Variants in PTPRD observed in about 807,000 individuals in gnomAD.
The protein encoded by PTPRD is protein tyrosine phosphatase receptor type D.
A neutral mutation model predicts 214.5 loss-of-function variants in PTPRD; 34 were observed. The ratio of observed to expected loss-of-function variants is 0.16; its 90% CI spans 0.12 to 0.21. The LOEUF is 0.21. PTPRD is among the 10% of genes least tolerant of loss of function. The probability of loss-of-function intolerance (pLI) is 1.00; values close to 1 mark genes in which losing one functional copy is unlikely to be tolerated. For synonymous variants in PTPRD, 1,128 were observed against 845.7 expected (o/e 1.33, Z -5.79); for missense variants, 2,545 against 2,398.7 (o/e 1.06, Z -1.27).
chr9:8,326,798 C>A (rs201965327), intron 44 of PTPRD, among the ~76,000 whole-genome samples: 16,820 of 148,844 alleles, frequency 0.11, 770 homozygotes, highest in African/African-American at 0.2. Context: ...GGGTGTACGT[C>A]TCCAGGAATT....
chr9:8,413,443 G>A (rs943723726), intron 35 of PTPRD, among the ~76,000 whole-genome samples: 8 of 151,918 alleles, frequency 5.3e-5, no homozygotes, highest in East Asian at 3.9e-4. Context: ...AGTCTTTGTC[G>A]GAACTCAGAA....
At position 8,389,333 on chromosome 9, in the gene PTPRD, G is replaced by C. The variant is rs2088552115; in HGVS notation, c.4285C>G (p.Gln1429Glu). ...CCAAATGTTTCGGGGAGAGATCCCT[G>C]TGTTGCAATATAGGCATTTTGCTTC... ...YRKQNAYIAT[Q>E]GSLPETFGDF... The change falls in exon 37 of 46, where the codon CAG becomes GAG. Residue 1429 changes from glutamine to glutamate, a missense_variant. Coordinates refer to ENST00000381196, the MANE Select transcript of PTPRD (RefSeq NM_002839.4). The C allele has an allele frequency of 4.3e-6, 7 of 1,612,992 alleles. No homozygotes were observed. The highest frequency in any genetic ancestry group is 5.9e-6 in the Non-Finnish European group (7 of 1,179,350).
intron 30 of PTPRD, among the ~76,000 whole-genome samples, chr9:8,481,105 A>T (rs2096873332): frequency 7.0e-6 from 1 of 142,704 alleles, no homozygotes; most frequent in Non-Finnish European, 1.5e-5. Flanking sequence ...GCGCCACTGC[A>T]CGCCGGCCTG....
chr9:8,652,509 T>C (rs890058603), intron 12 of PTPRD, among the ~76,000 whole-genome samples: 8 of 152,206 alleles, frequency 5.3e-5, no homozygotes, highest in South Asian at 2.1e-4. Flanking sequence ...GACTAAGACA[T>C]GCTGTAGCAA....
chr9:9,278,055 T>C (rs1189728039), intron 9 of PTPRD, among the ~76,000 whole-genome samples: 2 of 151,440 alleles, frequency 1.3e-5, no homozygotes, highest in African/African-American at 4.8e-5. Context: ...TCTTAACATG[T>C]GCTGCAATAT....
intron 5 of PTPRD, among the ~76,000 whole-genome samples, chr9:9,840,486 G>C (rs903048831): frequency 1.3e-5 from 2 of 152,030 alleles, no homozygotes; most frequent in Admixed American, 6.6e-5. Flanking sequence ...GCCTAATAAT[G>C]GCATGCCTGA....
At chr9:10,461,124 T>C (rs1419073593) in intron 2 of PTPRD, among the ~76,000 whole-genome samples, 6 of 151,822 alleles carry the variant, frequency 4.0e-5, no homozygotes, top group Admixed American at 1.3e-4. Flanking sequence ...TAAAAATGTC[T>C]AACAAGGACA....
chr9:9,476,203 G>C (rs928134128), intron 8 of PTPRD, among the ~76,000 whole-genome samples: 1 of 152,076 alleles, frequency 6.6e-6, no homozygotes, highest in Admixed American at 6.6e-5. Context: ...CTGACTCCTA[G>C]TGTGTCTATC....
At chr9:9,865,542 C>T (rs2063755196) in intron 5 of PTPRD, among the ~76,000 whole-genome samples, 1 of 152,132 alleles carries the variant, frequency 6.6e-6, no homozygotes, top group Admixed American at 6.5e-5. Context: ...GCCCTCTCAA[C>T]CTTAAATTTC....
intron 3 of PTPRD, among the ~76,000 whole-genome samples, chr9:10,237,484 T>C (rs1002720094): frequency 2.0e-5 from 3 of 151,958 alleles, no homozygotes; most frequent in East Asian, 1.9e-4. Context: ...AGGAAGACTG[T>C]TGACAATTTA....
intron 12 of PTPRD, among the ~76,000 whole-genome samples, chr9:8,677,645 A>G (rs1321200354): frequency 2.0e-5 from 3 of 152,194 alleles, no homozygotes; most frequent in African/African-American, 7.2e-5. Context: ...CAATCTGCAC[A>G]TGTACCCCTG....
intron 9 of PTPRD, among the ~76,000 whole-genome samples, chr9:9,328,836 C>T (rs754723615): frequency 6.0e-5 from 9 of 150,986 alleles, no homozygotes; most frequent in Non-Finnish European, 1.0e-4. Flanking sequence ...CAGGGTTTCA[C>T]TATGTTGGCC....
chr9:8,893,663 A>C (rs1438269227), intron 11 of PTPRD, among the ~76,000 whole-genome samples: 1 of 152,188 alleles, frequency 6.6e-6, no homozygotes, highest in Non-Finnish European at 1.5e-5. Context: ...CCAGGTATGC[A>C]GTGGGGGACC....
chr9:8,497,925 C>G, intron 25 of PTPRD, among the ~76,000 whole-genome samples: 1 of 152,198 alleles, frequency 6.6e-6, no homozygotes, highest in East Asian at 1.9e-4. Context: ...GCACACTGGT[C>G]ATATTGTTTT....
At position 8,933,340 on chromosome 9, in the gene PTPRD, G is replaced by GTTTTTTT. The variant is rs71317383; in HGVS notation, c.-104+85350_-104+85356dup. Among the ~76,000 whole-genome samples the GTTTTTTT allele has an allele frequency of 8.2e-3, 662 of 80,320 alleles. 71 individuals are homozygous for GTTTTTTT. Among genetic ancestry groups the GTTTTTTT allele is most frequent in the South Asian group, 0.02 (39 of 1,922 alleles). The allele number at this position is 80,320 out of a possible 152,430, so 52.7% of individuals were successfully genotyped here. On this transcript the variant is annotated intron_variant, in intron 11 of 45. Transcript: ENST00000381196. ...CCATCTTGCCAGCCACAACCTTGAG[G>GTTTTTTT]TTTTTTTTTTTTTTTTTTTTTTTAC...
chr9:8,716,821 A>G (rs1441109978), intron 12 of PTPRD, among the ~76,000 whole-genome samples: 1 of 152,164 alleles, frequency 6.6e-6, no homozygotes, highest in Non-Finnish European at 1.5e-5. Flanking sequence ...CACTGGCTGT[A>G]TGGAAGGCCC....
chr9:10,223,630 A>T (rs1445593719), intron 3 of PTPRD, among the ~76,000 whole-genome samples: 1 of 150,466 alleles, frequency 6.6e-6, no homozygotes, highest in Non-Finnish European at 1.5e-5. Context: ...CAATCATGCC[A>T]CTGCACTCCA....
chr9:8,958,280 G>C (rs996319877), intron 11 of PTPRD, among the ~76,000 whole-genome samples: 1 of 151,888 alleles, frequency 6.6e-6, no homozygotes, highest in Non-Finnish European at 1.5e-5. Context: ...CAAGGAAGAT[G>C]TGGGGACACA....
rs187250551 is a variant in PTPRD at position 8,706,644 on chromosome 9, A to G, written c.64+27136T>C. Reference sequence around the variant, plus strand: ...ATCTCAGGAGCAGAGATGCGTGAGCATATGCCAGGCAGGAATGCATGTCAG... The same window carrying G: ...ATCTCAGGAGCAGAGATGCGTGAGCGTATGCCAGGCAGGAATGCATGTCAG... On this transcript the variant is annotated intron_variant, in intron 12 of 45. Transcript: ENST00000381196. Among the ~76,000 whole-genome samples, 235 of 152,336 alleles carry G rather than the reference A, an allele frequency of 1.5e-3. 1 individual carries two copies. Among genetic ancestry groups the G allele is most frequent in the Admixed American group, 2.7e-3 (41 of 15,300 alleles).
Sources: allele counts gnomAD v4.1 joint callset (sites outside exome capture counted in the v4.1 genomes callset), GRCh38; gene constraint gnomAD v4.1.1; transcripts MANE v1.5; gene names NCBI Gene and HGNC (gene_info 2026-07-23, HGNC 2026-07-21).